The following TRAK1 variants were observed in gnomAD, a reference collection of about 807,000 sequenced individuals.
The protein encoded by TRAK1 is trafficking kinesin-binding protein 1.
In TRAK1, 33 loss-of-function variants were observed where a neutral mutation model predicts 92.1. The observed-to-expected ratio is 0.36, with a 90% CI of 0.27 to 0.48. TRAK1 has a LOEUF of 0.48. TRAK1 is among the 20% of genes least tolerant of loss of function. The pLI is 0.99. For missense variants in TRAK1, 1,123 were observed against 1,257.9 expected, an observed-to-expected ratio of 0.89 and a Z score of 1.62; for synonymous variants, 521 against 517.3, an observed-to-expected ratio of 1.01 and a Z score of -0.10.
chr3:42,092,711 G>GTGTTATGTTATGTTATGATATGTTA (rs1705260403), intron 1 of TRAK1, among the ~76,000 whole-genome samples: 2 of 101,068 alleles, frequency 2.0e-5, no homozygotes, highest in African/African-American at 6.5e-5. Flanking sequence ...GTGTTGTGTT[G>GTGTTATGTTATGTTATGATATGTTA]TGTTATGTTA....
chr3:42,079,031 TG>T (rs1198900408), intron 1 of TRAK1, among the ~76,000 whole-genome samples: 1 of 152,244 alleles, frequency 6.6e-6, no homozygotes, highest in East Asian at 1.9e-4. Context: ...CCTGAATAAG[TG>T]TGGATATCAG....
At chr3:42,021,826 G>A (rs1013543952) in intron 1 of TRAK1, among the ~76,000 whole-genome samples, 1 of 152,156 alleles carries the variant, frequency 6.6e-6, no homozygotes, top group Non-Finnish European at 1.5e-5. Context: ...ACCTGCCTCG[G>A]CCTCCCAAAG....
chr3:42,218,515 T>A (rs1048512084), intron 14 of TRAK1: 103 of 984,366 alleles, frequency 1.0e-4, no homozygotes, highest in Middle Eastern at 5.2e-4. Flanking sequence ...GCATCTTTTT[T>A]TTTTATTTTA....
chr3:42,107,379 G>T (rs1362932020), intron 1 of TRAK1, among the ~76,000 whole-genome samples: 1 of 152,114 alleles, frequency 6.6e-6, no homozygotes, highest in Admixed American at 6.5e-5. Flanking sequence ...TGGCGTGGTG[G>T]TGCGTGCCTG....
At chr3:42,182,303 T>C (rs1418433406) in intron 3 of TRAK1, among the ~76,000 whole-genome samples, 2 of 130,624 alleles carry the variant, frequency 1.5e-5, no homozygotes, top group East Asian at 2.0e-4. Context: ...CTCTCTCTTT[T>C]TTTTTTTTTT....
intron 13 of TRAK1, 127 bp from the exon 14 acceptor site, chr3:42,209,640 G>T: frequency 2.2e-6 from 2 of 909,382 alleles, no homozygotes; most frequent in Non-Finnish European, 3.3e-6. Flanking sequence ...CAGTCCACCT[G>T]GAGGCCCAGA....
chr3:42,110,257 G>T (rs1027133849), intron 1 of TRAK1, among the ~76,000 whole-genome samples: 1 of 151,476 alleles, frequency 6.6e-6, no homozygotes, highest in African/African-American at 2.4e-5. Flanking sequence ...GCAGTTCCCG[G>T]CTGTGGCTGG....
At chr3:42,136,367 A>G (rs1176048416) in intron 2 of TRAK1, among the ~76,000 whole-genome samples, 1 of 152,140 alleles carries the variant, frequency 6.6e-6, no homozygotes, top group Non-Finnish European at 1.5e-5. Context: ...GCTCACACTT[A>G]TAATCCCAGT....
At chr3:42,122,192 G>A (rs1709973282) in intron 1 of TRAK1, among the ~76,000 whole-genome samples, 1 of 152,112 alleles carries the variant, frequency 6.6e-6, no homozygotes, top group Non-Finnish European at 1.5e-5. Flanking sequence ...ATGCTTTAAG[G>A]AAAAAGATAT....
chr3:42,106,534 A>G (rs1198665021), intron 1 of TRAK1, among the ~76,000 whole-genome samples: 4 of 152,222 alleles, frequency 2.6e-5, no homozygotes, highest in Non-Finnish European at 5.9e-5. Context: ...AAATAAAAAT[A>G]TAATAATAAC....
chr3:42,093,654 TCCCTTCCCTTCCCTC>T (rs1705440485), intron 1 of TRAK1, among the ~76,000 whole-genome samples: 1 of 35,242 alleles, frequency 2.8e-5, no homozygotes, highest in African/African-American at 1.0e-4. Flanking sequence ...TTTCTCCCCT[TCCCTTCCCTTCCCTC>T]CCCTCCCCTC....
At chr3:42,074,590 C>T (rs1050657406) in intron 1 of TRAK1, among the ~76,000 whole-genome samples, 2 of 151,994 alleles carry the variant, frequency 1.3e-5, no homozygotes, top group African/African-American at 4.8e-5. Context: ...GATTGTTCCT[C>T]AGATAGAAAC....
chr3:42,109,668 C>T (rs1232473021), intron 1 of TRAK1, among the ~76,000 whole-genome samples: 1 of 152,142 alleles, frequency 6.6e-6, no homozygotes, highest in Non-Finnish European at 1.5e-5. Context: ...TTTATTGTGG[C>T]ACTATTCACA....
intron 2 of TRAK1, chr3:42,160,569 G>GTTT (rs71616033): frequency 3.5e-6 from 4 of 1,131,046 alleles, no homozygotes; most frequent in South Asian, 3.6e-5. Flanking sequence ...TTTTGTTTTT[G>GTTT]TTTTTTTTTA....
At chr3:42,107,286 C>A (rs148223702) in intron 1 of TRAK1, among the ~76,000 whole-genome samples, 1 of 152,052 alleles carries the variant, frequency 6.6e-6, no homozygotes, top group African/African-American at 2.4e-5. Context: ...GAGGCCAAGG[C>A]GGGCGGATCA....
At chr3:42,110,219 G>A (rs182421040) in intron 1 of TRAK1, among the ~76,000 whole-genome samples, 21 of 150,730 alleles carry the variant, frequency 1.4e-4, no homozygotes, top group Admixed American at 2.0e-4. Context: ...AACTGTCCAT[G>A]TGGGGATAAC....
At chr3:42,054,332 A>G (rs1386229330) in intron 1 of TRAK1, among the ~76,000 whole-genome samples, 1 of 152,148 alleles carries the variant, frequency 6.6e-6, no homozygotes, top group Non-Finnish European at 1.5e-5. Context: ...GTCCTTCCTC[A>G]TCTGGTGCCC....
chr3:42,047,477 A>G (rs1271844683), intron 1 of TRAK1, among the ~76,000 whole-genome samples: 2 of 151,954 alleles, frequency 1.3e-5, no homozygotes, highest in South Asian at 2.1e-4. Context: ...TGTTGGGATT[A>G]CAGGCGTAAG....
At chr3:42,112,912 A>C (rs949380032) in intron 1 of TRAK1, among the ~76,000 whole-genome samples, 1 of 152,042 alleles carries the variant, frequency 6.6e-6, no homozygotes, top group African/African-American at 2.4e-5. Context: ...CTGGGGCTAC[A>C]GGTGTGTGCC....
Sources: gnomAD v4.1 joint callset for allele counts (sites outside exome capture counted in the v4.1 genomes callset) on GRCh38, gnomAD v4.1.1 for gene constraint, MANE v1.5 for transcripts, NCBI Gene and HGNC (gene_info 2026-07-23, HGNC 2026-07-21) for gene names.